SLC25A16: variants seen among roughly 807,000 people sequenced by gnomAD.
SLC25A16 encodes the protein solute carrier family 25 member 16.
In SLC25A16, 39 loss-of-function variants were observed where a neutral mutation model predicts 41.5. The observed-to-expected ratio is 0.94, with a 90% CI of 0.73 to 1.23. The LOEUF is 1.23. Ranked by LOEUF, SLC25A16 falls within the 50% of genes most tolerant of loss-of-function variation. SLC25A16 has a pLI of 0.00. For synonymous variants in SLC25A16, 146 were observed against 147.8 expected (o/e 0.99, Z 0.09); for missense variants, 421 against 426.9 (o/e 0.99, Z 0.12).
In SLC25A16 at chr10:68,478,693, TAA is replaced by T. The variant is rs1424313785; in HGVS notation, c.*4737_*4738del. The T allele has an allele frequency of 3.3e-5, 5 of 150,844 alleles. No individual in the cohort carries two copies. Among genetic ancestry groups the T allele is most frequent in the Admixed American group, 2.0e-4 (3 of 15,100 alleles). 9.3% of individuals were successfully genotyped at this position (150,844 alleles called of 1,614,324 possible). ...TTCACCCAGCCATAAAAACTATTTATAAGTTTTATTTTATATATATATATGAT... is the reference window on the plus strand; with the variant it reads ...TTCACCCAGCCATAAAAACTATTTATGTTTTATTTTATATATATATATGAT... On this transcript the variant is annotated 3_prime_UTR_variant, in exon 9 of 9. Coordinates refer to ENST00000609923, the MANE Select transcript of SLC25A16 (RefSeq NM_152707.4).
At chr10:68,511,887 C>T (rs2053069625) in intron 2 of SLC25A16, among the ~76,000 whole-genome samples, 1 of 151,430 alleles carries the variant, frequency 6.6e-6, no homozygotes, top group Admixed American at 6.6e-5. Context: ...GATGGGTTCT[C>T]ACTCTATCGC....
At position 68,478,329 on chromosome 10, in the gene SLC25A16, G is replaced by C. The variant is rs1414116064; in HGVS notation, c.*5103C>G. On this transcript the variant is annotated 3_prime_UTR_variant, in exon 9 of 9. Transcript: ENST00000609923. ...AATTCTTCAGGAAATATATGTAATT[G>C]TTATTATTTATCACCAGTTTCTAGT... 6.6e-6 allele frequency: 1 copy of C among 152,106 alleles called. No homozygotes were observed. Among genetic ancestry groups the C allele is most frequent in the Non-Finnish European group, 1.5e-5 (1 of 68,032 alleles). The allele number at this position is 152,106 out of a possible 1,614,324, so 9.4% of individuals were successfully genotyped here.
chr10:68,524,643 G>C (rs549600883), intron 1 of SLC25A16, among the ~76,000 whole-genome samples: 2 of 150,078 alleles, frequency 1.3e-5, no homozygotes, highest in South Asian at 4.2e-4. Flanking sequence ...AGGCGGCAGA[G>C]GTTGCAGTGA....
chr10:68,493,311 C>A, intron 5 of SLC25A16, 113 bp from the exon 6 acceptor site: 1 of 1,125,920 alleles, frequency 8.9e-7, no homozygotes, highest in Non-Finnish European at 1.3e-6. Flanking sequence ...CACCCTGAAA[C>A]ACAAAGATGT....
chr10:68,493,105 T>G, intron 6 of SLC25A16, 27 bp downstream of exon 6: 1 of 1,395,796 alleles, frequency 7.2e-7, no homozygotes. Flanking sequence ...ACATGCATAT[T>G]AGGATTCTGG....
At chr10:68,519,713 G>A (rs998213635) in intron 1 of SLC25A16, among the ~76,000 whole-genome samples, 7 of 150,778 alleles carry the variant, frequency 4.6e-5, no homozygotes, top group Non-Finnish European at 7.4e-5. Context: ...TCAGGAGTTC[G>A]AGACCAGCCT....
chr10:68,518,807 A>T (rs182566243), intron 1 of SLC25A16, among the ~76,000 whole-genome samples: 10,584 of 107,710 alleles, frequency 0.098, 502 homozygotes, highest in Non-Finnish European at 0.12. Flanking sequence ...ATAAATAAAT[A>T]AATTAAATAA....
Position 68,480,905 on chromosome 10 carries a change from CTTTTT to C in SLC25A16, c.*2522_*2526del, listed in dbSNP as rs549875532. The C allele has an allele frequency of 1.4e-5, 2 of 143,510 alleles. No individual in the cohort carries two copies. The highest frequency in any genetic ancestry group is 5.3e-5 in the African/African-American group (2 of 37,834). 8.9% of individuals were successfully genotyped at this position (143,510 alleles called of 1,614,324 possible). On this transcript the variant is annotated 3_prime_UTR_variant, in exon 9 of 9. Coordinates refer to ENST00000609923, the MANE Select transcript of SLC25A16 (RefSeq NM_152707.4). ...AATGGTTTTAAGAACACATGTATTT[CTTTTT>C]TTTTTCTTTTATACAGTCTCTGTAT...
chr10:68,507,354 A>G (rs1050038266), intron 2 of SLC25A16, among the ~76,000 whole-genome samples: 8 of 152,018 alleles, frequency 5.3e-5, no homozygotes, highest in African/African-American at 1.9e-4. Flanking sequence ...TACAGGCGTG[A>G]CCCACTGCAC....
At chr10:68,516,229 T>C (rs1319011532) in intron 2 of SLC25A16, among the ~76,000 whole-genome samples, 1 of 152,162 alleles carries the variant, frequency 6.6e-6, no homozygotes, top group African/African-American at 2.4e-5. Context: ...GACAGGGTCA[T>C]TTATAACCTG....
At position 68,488,347 on chromosome 10, in the gene SLC25A16, A is replaced by G. The variant is rs75332334; in HGVS notation, c.773+120T>C. The G allele has an allele frequency of 7.5e-4, 479 of 638,318 alleles. 3 individuals carry two copies. In the East Asian group the frequency reaches 0.014, roughly 19 times the overall value. 39.5% of individuals were successfully genotyped at this position (638,318 alleles called of 1,614,324 possible). On this transcript the variant is annotated intron_variant, in intron 7 of 8. Transcript: ENST00000609923. ...GAAAAAATGTATTAAATTGAGACCT[A>G]TATTTTGCAAGGATCCTCTTTTTGA...
chr10:68,525,521 A>C (rs965238976), intron 1 of SLC25A16, among the ~76,000 whole-genome samples: 3 of 152,070 alleles, frequency 2.0e-5, no homozygotes, highest in African/African-American at 4.8e-5. Context: ...TGGTGTGATC[A>C]TGGCTTACTG....
chr10:68,524,623 C>T (rs1305915703), intron 1 of SLC25A16, among the ~76,000 whole-genome samples: 2 of 149,122 alleles, frequency 1.3e-5, no homozygotes, highest in Non-Finnish European at 1.5e-5. Flanking sequence ...GCAGGAGAAT[C>T]GCTTGAACCA....
In SLC25A16 at chr10:68,493,076, A is replaced by G. The variant is rs1211944145; in HGVS notation, c.610+56T>C. On this transcript the variant is annotated intron_variant, in intron 6 of 8. Transcript: ENST00000609923. ...ATATTACCATTTCAGAAAAAAAAAA[A>G]AAAGGTAACAAATTTTAAACATGCA... 5 of 1,023,568 alleles carry G rather than the reference A, an allele frequency of 4.9e-6. No homozygotes were observed. In the East Asian group the frequency reaches 1.2e-4, roughly 25 times the overall value. The allele number at this position is 1,023,568 out of a possible 1,614,324, so 63.4% of individuals were successfully genotyped here.
chr10:68,484,086 T>G (rs2052520538), intron 8 of SLC25A16, among the ~76,000 whole-genome samples: 1 of 152,238 alleles, frequency 6.6e-6, no homozygotes, highest in Non-Finnish European at 1.5e-5. Flanking sequence ...AGTACAAGCA[T>G]TATGCATCAA....
At chr10:68,517,258 C>G in intron 1 of SLC25A16, 2 of 987,444 alleles carry the variant, frequency 2.0e-6, no homozygotes, top group Non-Finnish European at 2.4e-6. Context: ...AAGTAAACTC[C>G]TCTTCTTCTG....
At chr10:68,495,833 C>T (rs1003511777) in intron 4 of SLC25A16, among the ~76,000 whole-genome samples, 3 of 151,198 alleles carry the variant, frequency 2.0e-5, no homozygotes, top group Non-Finnish European at 2.9e-5. Flanking sequence ...GAGTGCACCT[C>T]CTTGTTTCAA....
chr10:68,504,190 A>G (rs537327501), intron 3 of SLC25A16, among the ~76,000 whole-genome samples: 1 of 150,894 alleles, frequency 6.6e-6, no homozygotes, highest in South Asian at 2.1e-4. Context: ...CTAATTTTTT[A>G]TTTTTTAGTA....
At chr10:68,504,160 C>T (rs2052908962) in intron 3 of SLC25A16, among the ~76,000 whole-genome samples, 1 of 150,072 alleles carries the variant, frequency 6.7e-6, no homozygotes, top group Admixed American at 6.7e-5. Flanking sequence ...GGGACTACAG[C>T]CGTGTGCCAT....
Sources: gnomAD v4.1 joint callset for allele counts (sites outside exome capture counted in the v4.1 genomes callset) on GRCh38, gnomAD v4.1.1 for gene constraint, MANE v1.5 for transcripts, NCBI Gene and HGNC (gene_info 2026-07-23, HGNC 2026-07-21) for gene names.